The following CLYBL variants were observed in gnomAD, a reference collection of about 807,000 sequenced individuals.
CLYBL encodes the protein citramalyl-CoA lyase, mitochondrial.
A neutral mutation model predicts 38.9 loss-of-function variants in CLYBL; 31 were observed. That is an observed-to-expected ratio of 0.80 (90% CI 0.60 to 1.08). CLYBL has a LOEUF of 1.08. Ranked by LOEUF, CLYBL falls within the 50% of genes least tolerant of loss-of-function variation. CLYBL has a pLI of 0.00. For synonymous variants in CLYBL, 171 were observed against 158.6 expected (o/e 1.08, Z -0.59); for missense variants, 434 against 411.6 (o/e 1.05, Z -0.47).
chr13:99,772,844 A>T lies in CLYBL; in HGVS notation c.83A>T (p.Asp28Val). The stretch of plus-strand genomic sequence containing the variant: ...TGCAGGAAAGCGTCTCTAGCAGCTG[A>T]TATCCCCAGACTTGGATATAGTTCC... ...LLRLKASLAA[D>V]IPRLGYSSSS... Residue 28 changes from aspartate to valine, a missense_variant, in exon 2 of 9, where the codon GAT becomes GTT. Asp to Val is a radical substitution (Grantham distance 152). Coordinates refer to ENST00000339105, the MANE Select transcript of CLYBL (RefSeq NM_206808.5). 6.2e-7 allele frequency: 1 copy of T among 1,601,446 alleles called. No homozygotes were observed. Among genetic ancestry groups the T allele is most frequent in the Non-Finnish European group, 8.5e-7 (1 of 1,177,238 alleles).
At chr13:99,871,191 C>A in intron 7 of CLYBL, 129 bp downstream of exon 7, 1 of 1,037,822 alleles carries the variant, frequency 9.6e-7, no homozygotes, top group Non-Finnish European at 1.4e-6. Context: ...AGGGAGGGAA[C>A]ACAACATTCA....
chr13:99,887,030 GGCATCATTTACAGAAGGCT>G (rs1325331759), intron 7 of CLYBL, among the ~76,000 whole-genome samples: 1 of 152,198 alleles, frequency 6.6e-6, no homozygotes, highest in Non-Finnish European at 1.5e-5. Flanking sequence ...ACAAGAGAAA[GGCATCATTTACAGAAGGCT>G]GCAAGAGGAC....
chr13:99,887,809 A>G (rs1336108569), intron 7 of CLYBL, among the ~76,000 whole-genome samples: 2 of 152,010 alleles, frequency 1.3e-5, no homozygotes, highest in Non-Finnish European at 2.9e-5. Flanking sequence ...GCAGGGGGAC[A>G]TGGAAATGGA....
intron 1 of CLYBL, among the ~76,000 whole-genome samples, chr13:99,705,857 A>G (rs1445507933): frequency 6.6e-6 from 1 of 152,168 alleles, no homozygotes; most frequent in African/African-American, 2.4e-5. Context: ...ATATTGTGAA[A>G]GGACAAAACT....
chr13:99,887,612 G>T (rs990898069), intron 7 of CLYBL, among the ~76,000 whole-genome samples: 1 of 152,124 alleles, frequency 6.6e-6, no homozygotes, highest in African/African-American at 2.4e-5. Flanking sequence ...AATTAGCTGG[G>T]CATGGTGGTG....
intron 1 of CLYBL, among the ~76,000 whole-genome samples, chr13:99,612,570 G>C (rs561106990): frequency 6.6e-6 from 1 of 151,586 alleles, no homozygotes; most frequent in African/African-American, 2.4e-5. Context: ...GTATTTTTTG[G>C]AGAGACGGGG....
chr13:99,823,948 G>C (rs2050637817), intron 2 of CLYBL, among the ~76,000 whole-genome samples: 1 of 152,132 alleles, frequency 6.6e-6, no homozygotes. Context: ...TTGCTTATTG[G>C]ATCTCATGTC....
chr13:99,609,504 G>A lies in CLYBL; in HGVS notation c.62+2747G>A, dbSNP rs533546816. On this transcript the variant is annotated intron_variant, in intron 1 of 8. Coordinates refer to ENST00000339105, the MANE Select transcript of CLYBL (RefSeq NM_206808.5). ...TGTTTTTAGGTTTGCTGATTGCTCCGTCTTCCAACTCAAATCATTTTCATT... is the reference window on the plus strand; with the variant it reads ...TGTTTTTAGGTTTGCTGATTGCTCCATCTTCCAACTCAAATCATTTTCATT... Among the ~76,000 whole-genome samples the A allele has an allele frequency of 1.1e-4, 16 of 152,074 alleles. No individual in the cohort carries two copies. In the East Asian group the frequency reaches 2.9e-3, roughly 28 times the overall value.
intron 1 of CLYBL, among the ~76,000 whole-genome samples, chr13:99,647,360 G>A (rs986590663): frequency 1.3e-5 from 2 of 151,990 alleles, no homozygotes; most frequent in East Asian, 3.9e-4. Context: ...GAAGGCTCCC[G>A]CCCCACCTAG....
chr13:99,873,346 A>T (rs1027814580), intron 7 of CLYBL, among the ~76,000 whole-genome samples: 4 of 152,210 alleles, frequency 2.6e-5, no homozygotes, highest in Non-Finnish European at 4.4e-5. Flanking sequence ...TTGCACAATT[A>T]TATAAAGTAT....
chr13:99,716,169 ATTTTT>A (rs4001024), intron 1 of CLYBL, among the ~76,000 whole-genome samples: 122 of 33,382 alleles, frequency 3.7e-3, no homozygotes, highest in Non-Finnish European at 5.6e-3. Flanking sequence ...TATTGGTGTA[ATTTTT>A]TTTTTTTTTT....
At position 99,875,867 on chromosome 13, in the gene CLYBL, T is replaced by A. The variant is rs573368575; in HGVS notation, c.927+4805T>A. On this transcript the variant is annotated intron_variant, in intron 7 of 8. Coordinates refer to ENST00000339105, the MANE Select transcript of CLYBL (RefSeq NM_206808.5). The stretch of plus-strand genomic sequence containing the variant: ...GAGATTCTTAGTAATTGCACTTTTC[T>A]CTTTATTTCCCTGCTCATTTAACAT... 6.5e-4 allele frequency among the ~76,000 whole-genome samples: 99 copies of A among 152,312 alleles called. 1 individual carries two copies. Among genetic ancestry groups the A allele is most frequent in the African/African-American group, 2.3e-3 (96 of 41,578 alleles).
chr13:99,747,365 C>T (rs1349817701), intron 1 of CLYBL, among the ~76,000 whole-genome samples: 1 of 151,690 alleles, frequency 6.6e-6, no homozygotes, highest in East Asian at 1.9e-4. Flanking sequence ...ATGCCCTCTC[C>T]CCCGCCTTCC....
At position 99,891,394 on chromosome 13, in the gene CLYBL, C is replaced by T. The variant is rs34411915; in HGVS notation, c.1004C>T (p.Thr335Ile). The change falls in exon 8 of 9, where the codon ACC (threonine) becomes ATC (isoleucine). Residue 335 changes from threonine to isoleucine, a missense_variant. Transcript: ENST00000339105. ...GCCCAGAACACTGTTACGCTTGCCA[C>T]CTCCATCAAGGAAAAATGATCTGTT... ...KQAQNTVTLA[T>I]SIKEK is the part of the protein sequence containing the mutation. The T allele has an allele frequency of 2.7e-3, 4,358 of 1,613,170 alleles. 18 individuals carry two copies. The highest frequency in any genetic ancestry group is 0.02 in the Middle Eastern group (123 of 6,060).
At position 99,630,656 on chromosome 13, in the gene CLYBL, T is replaced by C. The variant is rs753765290; in HGVS notation, c.62+23899T>C. 8.2e-4 allele frequency among the ~76,000 whole-genome samples: 125 copies of C among 152,182 alleles called. 1 individual carries two copies. The highest frequency in any genetic ancestry group is 1.6e-3 in the Non-Finnish European group (109 of 68,034). On this transcript the variant is annotated intron_variant, in intron 1 of 8. Transcript: ENST00000339105. ...GTTCTTTCACCTTTCCCCTGTGACC[T>C]CCCATTCCAGCTGAGCCCTCTTGTT...
intron 1 of CLYBL, among the ~76,000 whole-genome samples, chr13:99,629,682 C>CA (rs2046916446): frequency 6.6e-6 from 1 of 152,274 alleles, no homozygotes; most frequent in Non-Finnish European, 1.5e-5. Context: ...TCCTTCATCT[C>CA]AAAGACTGTT....
At chr13:99,852,464 T>A (rs1261617848) in intron 2 of CLYBL, among the ~76,000 whole-genome samples, 1 of 152,216 alleles carries the variant, frequency 6.6e-6, no homozygotes, top group East Asian at 1.9e-4. Flanking sequence ...TAACAGCCAC[T>A]GAATTGTACA....
rs530037134 is a variant in CLYBL at position 99,863,607 on chromosome 13, C to T, written c.540+515C>T. Among the ~76,000 whole-genome samples the T allele has an allele frequency of 3.8e-3, 572 of 152,340 alleles. 1 individual carries two copies. The highest frequency in any genetic ancestry group is 0.013 in the African/African-American group (548 of 41,574). On this transcript the variant is annotated intron_variant, in intron 4 of 8. Coordinates refer to ENST00000339105, the MANE Select transcript of CLYBL (RefSeq NM_206808.5). ...TTTTCAGTTTGCCACATTAGAATATCTTCTAATATACATGCGGGAATATTG... is the reference window on the plus strand; with the variant it reads ...TTTTCAGTTTGCCACATTAGAATATTTTCTAATATACATGCGGGAATATTG...
intron 2 of CLYBL, among the ~76,000 whole-genome samples, chr13:99,795,299 G>A (rs2049999666): frequency 6.6e-6 from 1 of 152,298 alleles, no homozygotes; most frequent in East Asian, 1.9e-4. Flanking sequence ...GCCAAGTCTA[G>A]TCTAAGAAGC....
Sources: gnomAD v4.1 joint callset for allele counts (sites outside exome capture counted in the v4.1 genomes callset) on GRCh38, gnomAD v4.1.1 for gene constraint, MANE v1.5 for transcripts, NCBI Gene and HGNC (gene_info 2026-07-23, HGNC 2026-07-21) for gene names.